Variants in MICAL3 observed in about 807,000 individuals in gnomAD.
MICAL3 encodes the protein [F-actin]-monooxygenase MICAL3.
Under a neutral mutation model 207.4 loss-of-function variants are expected in MICAL3, and 62 were observed. That is an observed-to-expected ratio of 0.30 (90% CI 0.24 to 0.37). The LOEUF (loss-of-function observed/expected upper bound fraction) is 0.37. Ranked by LOEUF, MICAL3 falls within the 10% of genes least tolerant of loss-of-function variation. The pLI, the probability that MICAL3 is intolerant of heterozygous loss-of-function variation, is 1.00. For missense variants in MICAL3, 2,368 were observed against 2,635.6 expected, an observed-to-expected ratio of 0.90 and a Z score of 2.22; for synonymous variants, 1,077 against 1,069.3, an observed-to-expected ratio of 1.01 and a Z score of -0.14.
chr22:18,022,432 T>C (rs1388471536), intron 1 of MICAL3, among the ~76,000 whole-genome samples: 1 of 145,648 alleles, frequency 6.9e-6, no homozygotes, highest in East Asian at 2.0e-4. Context: ...ACCCCCACCC[T>C]TTTTTTTTTC....
At chr22:17,977,956 A>G (rs897121038) in intron 1 of MICAL3, among the ~76,000 whole-genome samples, 2 of 152,152 alleles carry the variant, frequency 1.3e-5, no homozygotes, top group East Asian at 3.8e-4. Context: ...TGGGAGGCGG[A>G]GGTTGTGGTG....
intron 1 of MICAL3, among the ~76,000 whole-genome samples, chr22:17,941,887 G>A (rs951000431): frequency 6.6e-6 from 1 of 152,198 alleles, no homozygotes; most frequent in African/African-American, 2.4e-5. Context: ...CAGGGCCCAG[G>A]AGGGGGAAAG....
At chr22:17,812,096 G>A (rs1328072202) in intron 27 of MICAL3, among the ~76,000 whole-genome samples, 2 of 152,188 alleles carry the variant, frequency 1.3e-5, no homozygotes, top group Non-Finnish European at 2.9e-5. Flanking sequence ...ATGACTTGGG[G>A]TCTATACTCA....
In MICAL3 at chr22:17,787,973, AGCCTTGAGTCTGGGCTGCTCCC is replaced by A. The variant is rs551035548; in HGVS notation, c.*2737_*2758del. Reference sequence around the variant, plus strand: ...ACGGTATTCAGCCTCCAGTTTAGTCAGCCTTGAGTCTGGGCTGCTCCCGCACCTGGTGTTTTATGCGTGTGAT... The same window carrying A: ...ACGGTATTCAGCCTCCAGTTTAGTCAGCACCTGGTGTTTTATGCGTGTGAT... On this transcript the variant is annotated 3_prime_UTR_variant, in exon 32 of 32. Transcript: ENST00000441493. 25 of 152,394 alleles carry A rather than the reference AGCCTTGAGTCTGGGCTGCTCCC, an allele frequency of 1.6e-4. No homozygotes were observed. The highest frequency in any genetic ancestry group is 5.8e-4 in the African/African-American group (24 of 41,600). The allele number at this position is 152,394 out of a possible 1,614,324, so 9.4% of individuals were successfully genotyped here.
chr22:17,825,938 C>T (rs1922132684), intron 22 of MICAL3, among the ~76,000 whole-genome samples: 1 of 152,198 alleles, frequency 6.6e-6, no homozygotes, highest in Non-Finnish European at 1.5e-5. Context: ...CTGGATTTGA[C>T]TGGTGTCACC....
chr22:17,852,935 C>T (rs934291615), intron 19 of MICAL3, among the ~76,000 whole-genome samples: 10 of 152,024 alleles, frequency 6.6e-5, no homozygotes, highest in African/African-American at 2.2e-4. Flanking sequence ...ATTAGCCGGG[C>T]GTGGTGGTAT....
At chr22:17,948,577 G>C (rs1006812156) in intron 1 of MICAL3, among the ~76,000 whole-genome samples, 7 of 152,162 alleles carry the variant, frequency 4.6e-5, no homozygotes, top group African/African-American at 1.4e-4. Context: ...CAATACAGGG[G>C]AAGACAGAAT....
chr22:17,801,549 G>A (rs2061939586), intron 29 of MICAL3, among the ~76,000 whole-genome samples: 1 of 152,140 alleles, frequency 6.6e-6, no homozygotes, highest in South Asian at 2.1e-4. Context: ...GAACCCAGAG[G>A]AGAAAGCAGC....
At position 17,852,703 on chromosome 22, in the gene MICAL3, A is replaced by G. The variant is rs563047543; in HGVS notation, c.2606-10686T>C. Among the ~76,000 whole-genome samples the G allele has an allele frequency of 5.9e-5, 9 of 152,308 alleles. No homozygotes were observed. In the East Asian group the frequency reaches 1.7e-3, roughly 29 times the overall value. ...CCAGACAGGCCCTGGGACCACGCATAAACCCTTGCTCTGCCTAAGAGAAAG... is the reference window on the plus strand; with the variant it reads ...CCAGACAGGCCCTGGGACCACGCATGAACCCTTGCTCTGCCTAAGAGAAAG... On this transcript the variant is annotated intron_variant, in intron 19 of 31. Transcript: ENST00000441493.
At chr22:17,792,029 G>A (rs887281285) in intron 29 of MICAL3, among the ~76,000 whole-genome samples, 4 of 152,180 alleles carry the variant, frequency 2.6e-5, no homozygotes, top group Non-Finnish European at 5.9e-5. Context: ...TGTGTCTGGT[G>A]GCTGCCTGCT....
At chr22:17,856,608 C>CTTTTTTTTTTTTTTTT (rs57588188) in intron 19 of MICAL3, among the ~76,000 whole-genome samples, 1 of 94,882 alleles carries the variant, frequency 1.1e-5, no homozygotes, top group Non-Finnish European at 1.9e-5. Flanking sequence ...AAAATGTTTA[C>CTTTTTTTTTTTTTTTT]TTTTTTTTTT....
In MICAL3 at chr22:17,822,971, C is replaced by T. The variant is rs1921809954; in HGVS notation, c.3283G>A (p.Asp1095Asn). The change falls in exon 23 of 32, where the codon GAC (aspartate) becomes AAC (asparagine). Residue 1095 changes from aspartate to asparagine, a missense_variant. By Grantham distance (23) the Asp-to-Asn change is conservative. This residue lies in a region of MICAL3 where 1,770 missense variants were observed against 1,863.2 expected (regional missense o/e 0.95). Coordinates refer to ENST00000441493, the MANE Select transcript of MICAL3 (RefSeq NM_015241.3). ...CCATCATCCAGCTCAGCACCAGTGT[C>T]CCCTGGGTCCCCATCCTCTGCTGCC... ...GEAAEDGDPG[D>N]TGAELDDDQH... 1 of 1,612,684 alleles carries T rather than the reference C, an allele frequency of 6.2e-7. No individual in the cohort carries two copies. The highest frequency in any genetic ancestry group is 1.7e-5 in the Admixed American group (1 of 59,962).
At position 17,805,797 on chromosome 22, in the gene MICAL3, C is replaced by T. The variant is rs560839972; in HGVS notation, c.5650+3047G>A. ...AGGTTGGACTGCAATGGCGTGATCT[C>T]GGCTCACCGCAACCTCCACCTCCCA... On this transcript the variant is annotated intron_variant, in intron 29 of 31. Transcript: ENST00000441493. 3.3e-5 allele frequency among the ~76,000 whole-genome samples: 5 copies of T among 152,328 alleles called. No homozygotes were observed. The East Asian group carries it at 5.8e-4, about 18-fold the overall frequency.
rs773267330 is a variant in MICAL3, at chr22:17,817,711, G to T, written c.4950C>A (p.Pro1650=). The T allele has an allele frequency of 4.1e-5, 65 of 1,596,490 alleles. No individual in the cohort carries two copies. Among genetic ancestry groups the T allele is most frequent in the South Asian group, 2.1e-4 (19 of 89,202 alleles). The change falls in exon 26 of 32, where the codon CCC becomes CCA. Residue 1650 remains proline (P), a synonymous_variant. Transcript: ENST00000441493. ...SQGKERRPDS[P]TRPTLRGSEE... ...CGGAGCCCCTGAGAGTGGGGCGTGT[G>T]GGGGAGTCAGGCCGGCGCTCCTTGC...
chr22:18,020,970 T>G (rs981835761), intron 1 of MICAL3, among the ~76,000 whole-genome samples: 1 of 147,420 alleles, frequency 6.8e-6, no homozygotes, highest in Non-Finnish European at 1.5e-5. Context: ...ATAAATAAAA[T>G]GGCCCACCAA....
At chr22:17,916,210 A>C (rs5747411) in intron 1 of MICAL3, among the ~76,000 whole-genome samples, 112,475 of 151,738 alleles carry the variant, frequency 0.74, 42,196 homozygotes, top group African/African-American at 0.85. Context: ...CTATGCCCAT[A>C]TCATCTGCCT....
chr22:17,984,135 A>G (rs1455324467), intron 1 of MICAL3, among the ~76,000 whole-genome samples: 1 of 152,158 alleles, frequency 6.6e-6, no homozygotes, highest in African/African-American at 2.4e-5. Flanking sequence ...CACTCCTGCC[A>G]GGCAAGTTCC....
intron 19 of MICAL3, among the ~76,000 whole-genome samples, chr22:17,854,435 A>G (rs1439299740): frequency 1.3e-5 from 2 of 152,198 alleles, no homozygotes; most frequent in Admixed American, 6.5e-5. Context: ...CTGACGTGGT[A>G]AGCTCACGAC....
intron 29 of MICAL3, among the ~76,000 whole-genome samples, chr22:17,807,346 G>A (rs944694082): frequency 1.3e-5 from 2 of 152,346 alleles, no homozygotes; most frequent in Middle Eastern, 3.4e-3. Flanking sequence ...GGGCAGGGGG[G>A]CAGGGGCACC....
Sources: gnomAD v4.1 joint callset for allele counts (sites outside exome capture counted in the v4.1 genomes callset) on GRCh38, gnomAD v4.1.1 for gene constraint, gnomAD v4.1.1 regional missense constraint, MANE v1.5 for transcripts, NCBI Gene and HGNC (gene_info 2026-07-23, HGNC 2026-07-21) for gene names.